The following AMOTL1 variants were observed in gnomAD, a reference collection of about 807,000 sequenced individuals.
AMOTL1 encodes angiomotin like 1.
Under a neutral mutation model 102.9 loss-of-function variants are expected in AMOTL1, and 45 were observed. That is an observed-to-expected ratio of 0.44 (90% CI 0.34 to 0.56). AMOTL1 has a LOEUF of 0.56. Ranked by LOEUF, AMOTL1 falls within the 20% of genes least tolerant of loss-of-function variation. The pLI is 0.01. For missense variants in AMOTL1, 1,114 were observed against 1,225.6 expected, an observed-to-expected ratio of 0.91 and a Z score of 1.36; for synonymous variants, 481 against 484.7, an observed-to-expected ratio of 0.99 and a Z score of 0.10.
rs1001631257 is a variant in AMOTL1 at position 94,870,933 on chromosome 11, C to T, written c.*138C>T. 4 of 628,082 alleles carry T rather than the reference C, an allele frequency of 6.4e-6. No individual in the cohort carries two copies. The highest frequency in any genetic ancestry group is 3.2e-5 in the Admixed American group (1 of 31,650). The allele number at this position is 628,082 out of a possible 1,614,324, so 38.9% of individuals were successfully genotyped here. On this transcript the variant is annotated 3_prime_UTR_variant, in exon 13 of 13. Coordinates refer to ENST00000433060, the MANE Select transcript of AMOTL1 (RefSeq NM_130847.3). ...TAAAGATTTCAGACTCATAAGAACA[C>T]ATTTTATAAATGTTAAACACAAAAA... is the stretch of plus-strand genomic sequence containing the variant.
chr11:94,849,381 A>G (rs143100652), intron 6 of AMOTL1, among the ~76,000 whole-genome samples: 2 of 152,350 alleles, frequency 1.3e-5, no homozygotes, highest in East Asian at 3.9e-4. Context: ...CCATGACACT[A>G]TCGACGCTGC....
At chr11:94,775,075 A>G (rs1457319017) in intron 1 of AMOTL1, among the ~76,000 whole-genome samples, 1 of 152,212 alleles carries the variant, frequency 6.6e-6, no homozygotes, top group Non-Finnish European at 1.5e-5. Context: ...TTTATCTTCT[A>G]AGGTTATTGT....
At chr11:94,792,545 A>G (rs764081551) in intron 1 of AMOTL1, among the ~76,000 whole-genome samples, 19 of 152,234 alleles carry the variant, frequency 1.2e-4, no homozygotes, top group Non-Finnish European at 2.2e-4. Context: ...TCTTGGCTTT[A>G]GACGAGTGGA....
intron 2 of AMOTL1, among the ~76,000 whole-genome samples, chr11:94,740,520 C>A (rs1212151928): frequency 6.6e-6 from 1 of 151,612 alleles, no homozygotes; most frequent in East Asian, 1.9e-4. Flanking sequence ...CCGCCGCGCG[C>A]CCTCGGGCCC....
chr11:94,806,766 G>C (rs4753149), intron 3 of AMOTL1, among the ~76,000 whole-genome samples: 41,078 of 152,056 alleles, frequency 0.27, 6,143 homozygotes, highest in East Asian at 0.46. Context: ...AGTGACTTCT[G>C]TAAACAGGAG....
At chr11:94,797,564 A>G (rs867879950) in intron 2 of AMOTL1, among the ~76,000 whole-genome samples, 2 of 152,338 alleles carry the variant, frequency 1.3e-5, no homozygotes, top group Middle Eastern at 3.4e-3. Flanking sequence ...GATATATACA[A>G]ATGGAGTGGG....
intron 6 of AMOTL1, 120 bp from the exon 7 acceptor site, chr11:94,849,994 T>G: frequency 8.0e-7 from 1 of 1,242,912 alleles, no homozygotes; most frequent in Admixed American, 2.8e-5. Flanking sequence ...AAACAGCAAT[T>G]CAGTCCTCCA....
intron 3 of AMOTL1, among the ~76,000 whole-genome samples, chr11:94,811,641 A>C (rs1951684418): frequency 6.6e-6 from 1 of 151,972 alleles, no homozygotes; most frequent in African/African-American, 2.4e-5. Context: ...ATCAAGTCAG[A>C]TAGAGCTGGT....
intron 1 of AMOTL1, among the ~76,000 whole-genome samples, chr11:94,710,229 C>T (rs909992125): frequency 6.6e-6 from 1 of 152,130 alleles, no homozygotes; most frequent in Non-Finnish European, 1.5e-5. Context: ...CCAGAGGTGC[C>T]ACCTGAGGCC....
intron 1 of AMOTL1, among the ~76,000 whole-genome samples, chr11:94,725,088 T>A (rs771719360): frequency 6.6e-6 from 1 of 152,140 alleles, no homozygotes; most frequent in Non-Finnish European, 1.5e-5. Flanking sequence ...GAAGTTCCAG[T>A]GTGACTTGGC....
At chr11:94,856,143 C>T (rs1323325607) in intron 8 of AMOTL1, among the ~76,000 whole-genome samples, 4 of 152,112 alleles carry the variant, frequency 2.6e-5, no homozygotes, top group Non-Finnish European at 5.9e-5. Flanking sequence ...GTCCCTGTTG[C>T]TCTTGATACT....
At chr11:94,793,324 T>C (rs1268141300) in intron 1 of AMOTL1, among the ~76,000 whole-genome samples, 1 of 152,058 alleles carries the variant, frequency 6.6e-6, no homozygotes, top group African/African-American at 2.4e-5. Flanking sequence ...CAGAAAGGTG[T>C]TTTGGGGTTT....
At chr11:94,728,191 T>C (rs1591900669) in intron 1 of AMOTL1, among the ~76,000 whole-genome samples, 1 of 152,140 alleles carries the variant, frequency 6.6e-6, no homozygotes, top group African/African-American at 2.4e-5. Flanking sequence ...CTCTTTGTAA[T>C]ATGGGCAAGA....
In AMOTL1 at chr11:94,821,729, G is replaced by A; in HGVS notation, c.1321G>A (p.Ala441Thr). 1 of 1,614,030 alleles carries A rather than the reference G, an allele frequency of 6.2e-7. No individual in the cohort carries two copies. The highest frequency in any genetic ancestry group is 2.2e-5 in the East Asian group (1 of 44,876). ...GPDAFAIVER[A>T]QQMVEILTEE... is the part of the protein sequence containing the mutation. ...AGATGCCTTTGCGATTGTGGAGCGA[G>A]CCCAGCAAATGGTGGAGATATTAAC... The change falls in exon 4 of 13, where the codon GCC becomes ACC. Residue 441 changes from alanine (A) to threonine (T), a missense_variant. Coordinates refer to ENST00000433060, the MANE Select transcript of AMOTL1 (RefSeq NM_130847.3).
chr11:94,716,406 AT>A (rs940864329), intron 1 of AMOTL1, among the ~76,000 whole-genome samples: 1 of 152,158 alleles, frequency 6.6e-6, no homozygotes, highest in Admixed American at 6.5e-5. Flanking sequence ...GGTAAGATGA[AT>A]GACTTCCACT....
intron 1 of AMOTL1, among the ~76,000 whole-genome samples, chr11:94,776,099 C>A (rs1162369697): frequency 2.6e-5 from 4 of 152,348 alleles, no homozygotes; most frequent in East Asian, 3.9e-4. Context: ...TCATCCTGAA[C>A]TTCTCCACCT....
intron 3 of AMOTL1, chr11:94,820,387 T>C (rs1591999150): frequency 6.6e-6 from 1 of 152,442 alleles, no homozygotes. Flanking sequence ...CACTCCAAGG[T>C]AAAGTCTGGC....
chr11:94,741,972 A>G (rs1950533909), intron 3 of AMOTL1, among the ~76,000 whole-genome samples: 1 of 152,226 alleles, frequency 6.6e-6, no homozygotes, highest in Non-Finnish European at 1.5e-5. Flanking sequence ...TGTGCTGGGA[A>G]GAATGTCCTC....
chr11:94,848,567 A>G (rs1952467926), intron 6 of AMOTL1, among the ~76,000 whole-genome samples: 1 of 152,218 alleles, frequency 6.6e-6, no homozygotes. Flanking sequence ...AAGGAAGGAC[A>G]TTGTACTGGG....
Sources: gnomAD v4.1 joint callset for allele counts (sites outside exome capture counted in the v4.1 genomes callset) on GRCh38, gnomAD v4.1.1 for gene constraint, MANE v1.5 for transcripts, NCBI Gene and HGNC (gene_info 2026-07-23, HGNC 2026-07-21) for gene names.